Variants in RBFOX1 observed in about 807,000 individuals in gnomAD.
RBFOX1 encodes the protein RNA binding fox-1 homolog 1.
A neutral mutation model predicts 57.7 loss-of-function variants in RBFOX1; 8 were observed. That is an observed-to-expected ratio of 0.14 (90% CI 0.08 to 0.25). RBFOX1 has a LOEUF of 0.25. Ranked by LOEUF, RBFOX1 falls within the 10% of genes least tolerant of loss-of-function variation. The pLI, the probability that RBFOX1 is intolerant of heterozygous loss-of-function variation, is 1.00. For synonymous variants in RBFOX1, 326 were observed against 222.4 expected (o/e 1.47, Z -4.15); for missense variants, 611 against 548.5 (o/e 1.11, Z -1.14).
intron 2 of RBFOX1, among the ~76,000 whole-genome samples, chr16:5,588,620 G>A (rs189796366): frequency 6.6e-6 from 1 of 152,176 alleles, no homozygotes; most frequent in African/African-American, 2.4e-5. Context: ...ACAGTCCTCA[G>A]CACGTCCCCA....
chr16:7,488,771 T>A (rs543094089), intron 4 of RBFOX1, among the ~76,000 whole-genome samples: 1 of 152,242 alleles, frequency 6.6e-6, no homozygotes, highest in Admixed American at 6.5e-5. Context: ...TATTTGTATA[T>A]GTATACATCT....
intron 4 of RBFOX1, among the ~76,000 whole-genome samples, chr16:7,236,413 G>A (rs1203761737): frequency 6.6e-6 from 1 of 152,106 alleles, no homozygotes; most frequent in African/African-American, 2.4e-5. Flanking sequence ...ATTGTCACAT[G>A]CACAACATCT....
At chr16:6,912,817 A>C (rs888454525) in intron 3 of RBFOX1, among the ~76,000 whole-genome samples, 3 of 151,468 alleles carry the variant, frequency 2.0e-5, no homozygotes, top group South Asian at 2.1e-4. Flanking sequence ...ACTTTGTCCC[A>C]CTGTGTTGCC....
chr16:6,795,216 C>G lies in RBFOX1; in HGVS notation c.-16+140566C>G, dbSNP rs375713128. ...GGTATAATTTGTGACTTCTAGGTTA[C>G]CCACTTGTGTCCACAAACCACCTAA... On this transcript the variant is annotated intron_variant, in intron 3 of 15. Transcript: ENST00000550418. Among the ~76,000 whole-genome samples the G allele has an allele frequency of 3.3e-5, 5 of 152,200 alleles. 1 individual carries two copies. In the South Asian group the frequency reaches 6.2e-4, roughly 19 times the overall value.
chr16:6,702,785 G>A (rs1271612511), intron 3 of RBFOX1, among the ~76,000 whole-genome samples: 1 of 152,108 alleles, frequency 6.6e-6, no homozygotes, highest in East Asian at 1.9e-4. Context: ...AACATAAAAT[G>A]TACCACCTTA....
chr16:7,137,457 C>T (rs1046160548), intron 4 of RBFOX1, among the ~76,000 whole-genome samples: 1 of 152,162 alleles, frequency 6.6e-6, no homozygotes, highest in African/African-American at 2.4e-5. Flanking sequence ...GAAACCCCTT[C>T]ACTTGGTTGT....
chr16:7,323,247 AC>A (rs942362977), intron 4 of RBFOX1, among the ~76,000 whole-genome samples: 4 of 152,098 alleles, frequency 2.6e-5, no homozygotes, highest in East Asian at 1.9e-4. Context: ...ACACAGCGAG[AC>A]CCCCATCTCT....
intron 2 of RBFOX1, among the ~76,000 whole-genome samples, chr16:6,437,267 T>A (rs1231410411): frequency 6.6e-6 from 1 of 152,198 alleles, no homozygotes; most frequent in Non-Finnish European, 1.5e-5. Flanking sequence ...CTGACCTGCA[T>A]TTACTTTATT....
At chr16:6,515,131 T>A (rs1443617754) in intron 2 of RBFOX1, among the ~76,000 whole-genome samples, 2 of 152,204 alleles carry the variant, frequency 1.3e-5, no homozygotes, top group Non-Finnish European at 2.9e-5. Flanking sequence ...GGTTTACTTA[T>A]GTGCTAAGTC....
chr16:6,964,363 G>C (rs972002299), intron 3 of RBFOX1, among the ~76,000 whole-genome samples: 2 of 152,158 alleles, frequency 1.3e-5, no homozygotes, highest in African/African-American at 2.4e-5. Flanking sequence ...ATGTGACACT[G>C]TAATGGTGGA....
intron 1 of RBFOX1, among the ~76,000 whole-genome samples, chr16:6,115,299 C>G (rs74004767): frequency 6.6e-6 from 1 of 152,200 alleles, no homozygotes; most frequent in Admixed American, 6.5e-5. Flanking sequence ...TAGGATTTCA[C>G]TGCCCCTTAG....
chr16:5,752,699 G>C (rs958680939), intron 3 of RBFOX1, among the ~76,000 whole-genome samples: 2 of 152,204 alleles, frequency 1.3e-5, no homozygotes, highest in Non-Finnish European at 1.5e-5. Context: ...CCTCTTAGGA[G>C]GTGAGGGCGT....
At chr16:6,381,697 T>C (rs2091834227) in intron 2 of RBFOX1, among the ~76,000 whole-genome samples, 2 of 152,162 alleles carry the variant, frequency 1.3e-5, no homozygotes, top group African/African-American at 4.8e-5. Flanking sequence ...GCTGGGGACA[T>C]GGGGTCCTGT....
At chr16:6,233,716 C>G (rs1407743885) in intron 1 of RBFOX1, among the ~76,000 whole-genome samples, 1 of 152,090 alleles carries the variant, frequency 6.6e-6, no homozygotes, top group Non-Finnish European at 1.5e-5. Flanking sequence ...TCAAGTGATC[C>G]TCCTGCCTCA....
intron 14 of RBFOX1, among the ~76,000 whole-genome samples, chr16:7,695,594 G>A (rs1009838580): frequency 2.7e-5 from 4 of 147,220 alleles, no homozygotes; most frequent in African/African-American, 1.0e-4. Flanking sequence ...GGAGGTTGCA[G>A]TGAGCAGAGA....
At chr16:6,600,301 C>G (rs1422356990) in intron 2 of RBFOX1, among the ~76,000 whole-genome samples, 1 of 152,182 alleles carries the variant, frequency 6.6e-6, no homozygotes. Flanking sequence ...CTCTCCTCCC[C>G]CATTTCCCTC....
At chr16:6,896,530 C>G (rs916987925) in intron 3 of RBFOX1, among the ~76,000 whole-genome samples, 5 of 152,078 alleles carry the variant, frequency 3.3e-5, no homozygotes, top group Admixed American at 6.5e-5. Context: ...GTCTGTTTTT[C>G]TGTGCCTGGG....
chr16:5,687,492 A>G (rs2050540603), intron 3 of RBFOX1, among the ~76,000 whole-genome samples: 1 of 152,228 alleles, frequency 6.6e-6, no homozygotes, highest in Admixed American at 6.5e-5. Context: ...ATAAAGAGTC[A>G]TTCTGAAGCT....
At chr16:5,487,000 A>G (rs2042651117) in intron 2 of RBFOX1, among the ~76,000 whole-genome samples, 1 of 152,084 alleles carries the variant, frequency 6.6e-6, no homozygotes, top group African/African-American at 2.4e-5. Context: ...GCCTTTGCAC[A>G]AAGTGTCCTT....
Sources: gnomAD v4.1 joint callset for allele counts (sites outside exome capture counted in the v4.1 genomes callset) on GRCh38, gnomAD v4.1.1 for gene constraint, MANE v1.5 for transcripts, NCBI Gene and HGNC (gene_info 2026-07-23, HGNC 2026-07-21) for gene names.